Variants in SPIDR observed in about 807,000 individuals in gnomAD.
SPIDR encodes the protein scaffold protein involved in DNA repair.
A neutral mutation model predicts 104.6 loss-of-function variants in SPIDR; 93 were observed. That is an observed-to-expected ratio of 0.89 (90% CI 0.75 to 1.06). The LOEUF (loss-of-function observed/expected upper bound fraction) is 1.06. SPIDR is among the 50% of genes least tolerant of loss of function. SPIDR has a pLI of 0.00. For missense variants in SPIDR, 1,154 were observed against 1,111.2 expected (o/e 1.04, Z -0.55); for synonymous variants, 431 against 416.9 (o/e 1.03, Z -0.41).
At chr8:47,659,105 A>G (rs565453060) in intron 10 of SPIDR, among the ~76,000 whole-genome samples, 3 of 151,984 alleles carry the variant, frequency 2.0e-5, no homozygotes, top group Non-Finnish European at 4.4e-5. Context: ...CAAAAATACA[A>G]AAATTAGCTG....
chr8:47,727,204 T>C lies in SPIDR; in HGVS notation c.2346T>C (p.Thr782=). 1 of 1,614,072 alleles carries C rather than the reference T, an allele frequency of 6.2e-7. No homozygotes were observed. The highest frequency in any genetic ancestry group is 8.5e-7 in the Non-Finnish European group (1 of 1,179,990). The part of the protein sequence containing the change: ...PVNSICSVQG[T]VVGVDESTAF... ...CTTTCCTTCTCTTGGGCCTAGGCAC[T>C]GTGGTTGGCGTGGACGAGAGCACTG... is the stretch of plus-strand genomic sequence containing the variant. The change falls in exon 17 of 20, where the codon ACT becomes ACC. Residue 782 remains threonine (T), a synonymous_variant. Transcript: ENST00000297423.
At chr8:47,619,865 C>T (rs916959158) in intron 10 of SPIDR, among the ~76,000 whole-genome samples, 1 of 152,072 alleles carries the variant, frequency 6.6e-6, no homozygotes, top group African/African-American at 2.4e-5. Flanking sequence ...CTGCTCAGCA[C>T]ATGTATTCTA....
chr8:47,378,542 A>G (rs991289384), intron 5 of SPIDR, among the ~76,000 whole-genome samples: 2 of 152,192 alleles, frequency 1.3e-5, no homozygotes, highest in Non-Finnish European at 2.9e-5. Flanking sequence ...TATTTTCTAG[A>G]CAGAGCCTGG....
intron 6 of SPIDR, among the ~76,000 whole-genome samples, chr8:47,399,598 T>C (rs1286338924): frequency 6.6e-6 from 1 of 152,120 alleles, no homozygotes; most frequent in African/African-American, 2.4e-5. Flanking sequence ...GATCAGGCCC[T>C]GTTGGGAAGT....
chr8:47,394,508 T>A (rs1437008728), intron 5 of SPIDR, among the ~76,000 whole-genome samples: 1 of 152,172 alleles, frequency 6.6e-6, no homozygotes, highest in East Asian at 1.9e-4. Context: ...GAGACCTTTT[T>A]GATTGTCCTG....
intron 10 of SPIDR, among the ~76,000 whole-genome samples, chr8:47,634,471 A>C (rs950960498): frequency 6.6e-6 from 1 of 152,228 alleles, no homozygotes; most frequent in East Asian, 1.9e-4. Context: ...TTAAAAAAAA[A>C]AATGAAAAAA....
chr8:47,630,834 C>A (rs1002318804), intron 10 of SPIDR, among the ~76,000 whole-genome samples: 4 of 152,206 alleles, frequency 2.6e-5, no homozygotes, highest in Non-Finnish European at 4.4e-5. Flanking sequence ...GTTCCTGGTT[C>A]TTGTTCACAT....
intron 8 of SPIDR, chr8:47,546,860 C>T (rs377181223): frequency 1.3e-5 from 5 of 385,930 alleles, no homozygotes; most frequent in African/African-American, 2.1e-5. Flanking sequence ...AATGGTGAGG[C>T]GTATACGTTT....
At chr8:47,733,483 G>A (rs577295551) in intron 19 of SPIDR, among the ~76,000 whole-genome samples, 1 of 152,236 alleles carries the variant, frequency 6.6e-6, no homozygotes, top group Admixed American at 6.5e-5. Flanking sequence ...CTTTTTCCAA[G>A]TCAGAATTGC....
chr8:47,622,537 G>A (rs1183392943), intron 10 of SPIDR, among the ~76,000 whole-genome samples: 2 of 152,142 alleles, frequency 1.3e-5, no homozygotes, highest in Non-Finnish European at 2.9e-5. Context: ...CTCACAGCCA[G>A]CTAGGGGGTG....
chr8:47,490,015 A>G (rs1554737632), intron 8 of SPIDR, among the ~76,000 whole-genome samples: 4 of 152,218 alleles, frequency 2.6e-5, no homozygotes, highest in African/African-American at 9.6e-5. Context: ...GTCTAATTAA[A>G]CTAAAGAGCT....
chr8:47,327,905 T>C (rs2047959152), intron 5 of SPIDR, among the ~76,000 whole-genome samples: 1 of 151,840 alleles, frequency 6.6e-6, no homozygotes, highest in Non-Finnish European at 1.5e-5. Context: ...GCCATGTTGC[T>C]CAGGCTTGTC....
intron 8 of SPIDR, among the ~76,000 whole-genome samples, chr8:47,479,209 A>T (rs1302305143): frequency 2.6e-5 from 4 of 151,894 alleles, no homozygotes; most frequent in Non-Finnish European, 5.9e-5. Context: ...AAATACAGAA[A>T]ATTAGCTGGA....
intron 10 of SPIDR, among the ~76,000 whole-genome samples, chr8:47,622,378 C>T (rs1368609308): frequency 6.6e-6 from 1 of 152,166 alleles, no homozygotes; most frequent in Non-Finnish European, 1.5e-5. Context: ...CAGCCTGTGA[C>T]GTTCCCTAAG....
At chr8:47,590,624 G>T (rs532449118) in intron 8 of SPIDR, among the ~76,000 whole-genome samples, 28 of 152,122 alleles carry the variant, frequency 1.8e-4, no homozygotes, top group Non-Finnish European at 3.5e-4. Flanking sequence ...TATGTATTCT[G>T]CTGTTGTTTG....
chr8:47,322,336 G>T (rs554401492), intron 5 of SPIDR, among the ~76,000 whole-genome samples: 1 of 152,184 alleles, frequency 6.6e-6, no homozygotes, highest in East Asian at 1.9e-4. Flanking sequence ...CACTTGAAAA[G>T]ATGCTCATCA....
chr8:47,588,293 A>C (rs182978270), intron 8 of SPIDR, among the ~76,000 whole-genome samples: 1 of 149,136 alleles, frequency 6.7e-6, no homozygotes, highest in East Asian at 2.0e-4. Flanking sequence ...ATGTTTTGTG[A>C]GATTCACACT....
intron 7 of SPIDR, among the ~76,000 whole-genome samples, chr8:47,435,052 G>A (rs2068039543): frequency 1.3e-5 from 2 of 152,024 alleles, no homozygotes; most frequent in South Asian, 2.1e-4. Flanking sequence ...TTAGTGCAGT[G>A]TTGTGATCAT....
chr8:47,347,689 T>C (rs1428389820), intron 5 of SPIDR, among the ~76,000 whole-genome samples: 1 of 152,194 alleles, frequency 6.6e-6, no homozygotes, highest in African/African-American at 2.4e-5. Flanking sequence ...TTGATCCCTT[T>C]ACCATTATGT....
Sources: allele counts gnomAD v4.1 joint callset (sites outside exome capture counted in the v4.1 genomes callset), GRCh38; gene constraint gnomAD v4.1.1; transcripts MANE v1.5; gene names NCBI Gene and HGNC (gene_info 2026-07-23, HGNC 2026-07-21).